The following RBFOX1 variants were observed in gnomAD, a reference collection of about 807,000 sequenced individuals.
RBFOX1 encodes RNA binding protein fox-1 homolog 1.
A neutral mutation model predicts 57.7 loss-of-function variants in RBFOX1; 8 were observed. The observed-to-expected ratio is 0.14, with a 90% CI of 0.08 to 0.25. The LOEUF is 0.25. Ranked by LOEUF, RBFOX1 falls within the 10% of genes least tolerant of loss-of-function variation. RBFOX1 has a pLI of 1.00. For missense variants in RBFOX1, 611 were observed against 548.5 expected, an observed-to-expected ratio of 1.11 and a Z score of -1.14; for synonymous variants, 326 against 222.4, an observed-to-expected ratio of 1.47 and a Z score of -4.15.
intron 3 of RBFOX1, among the ~76,000 whole-genome samples, chr16:7,001,386 G>T (rs184685706): frequency 5.8e-5 from 7 of 121,470 alleles, no homozygotes; most frequent in Non-Finnish European, 9.5e-5. Context: ...GTATGTGTAT[G>T]TGTATGTGTA....
intron 1 of RBFOX1, among the ~76,000 whole-genome samples, chr16:5,304,817 T>G (rs1410064748): frequency 7.3e-6 from 1 of 136,390 alleles, no homozygotes; most frequent in Non-Finnish European, 1.6e-5. Flanking sequence ...CTGGTAGAAG[T>G]TAGCCATATA....
intron 2 of RBFOX1, among the ~76,000 whole-genome samples, chr16:6,485,402 C>A (rs556074798): frequency 6.6e-6 from 1 of 151,048 alleles, no homozygotes; most frequent in Non-Finnish European, 1.5e-5. Flanking sequence ...TCCTCCTTAT[C>A]CCATTTTTTT....
chr16:7,136,059 T>A (rs1021022554), intron 4 of RBFOX1, among the ~76,000 whole-genome samples: 1 of 152,216 alleles, frequency 6.6e-6, no homozygotes, highest in East Asian at 1.9e-4. Flanking sequence ...GGAGCATATT[T>A]GTAACTGAGC....
At chr16:5,929,813 G>A (rs1252858009) in intron 4 of RBFOX1, among the ~76,000 whole-genome samples, 1 of 151,812 alleles carries the variant, frequency 6.6e-6, no homozygotes, top group Non-Finnish European at 1.5e-5. Flanking sequence ...AACTCACTAA[G>A]AGCTGGCAAG....
chr16:5,516,881 C>A (rs1003468741), intron 2 of RBFOX1, among the ~76,000 whole-genome samples: 3 of 152,192 alleles, frequency 2.0e-5, no homozygotes, highest in African/African-American at 4.8e-5. Flanking sequence ...GCATCCCCAG[C>A]CGTGCAGAAC....
intron 4 of RBFOX1, among the ~76,000 whole-genome samples, chr16:7,124,965 C>G (rs1379037712): frequency 2.6e-5 from 4 of 152,098 alleles, no homozygotes; most frequent in African/African-American, 9.7e-5. Context: ...ATTCACAGGA[C>G]TGGAAAGTAT....
At chr16:6,053,465 C>G (rs1266085298) in intron 1 of RBFOX1, among the ~76,000 whole-genome samples, 1 of 152,136 alleles carries the variant, frequency 6.6e-6, no homozygotes, top group Admixed American at 6.5e-5. Context: ...GCAGCTGTCA[C>G]TGCAGTGGCT....
chr16:7,042,563 C>G (rs747472525), intron 3 of RBFOX1, among the ~76,000 whole-genome samples: 3 of 152,200 alleles, frequency 2.0e-5, no homozygotes, highest in Admixed American at 2.0e-4. Context: ...AACTGTTTAG[C>G]ACATTTTATG....
chr16:5,936,989 C>A (rs769782141), intron 4 of RBFOX1, among the ~76,000 whole-genome samples: 4 of 152,170 alleles, frequency 2.6e-5, no homozygotes, highest in Non-Finnish European at 4.4e-5. Context: ...TAATCAGTGT[C>A]AGTGTACCTT....
intron 4 of RBFOX1, among the ~76,000 whole-genome samples, chr16:7,321,735 T>C (rs1015294604): frequency 6.6e-6 from 1 of 152,224 alleles, no homozygotes. Flanking sequence ...TAAAATAGAT[T>C]GTCATGTAAG....
chr16:5,844,819 C>T (rs958907883), intron 3 of RBFOX1, among the ~76,000 whole-genome samples: 2 of 152,252 alleles, frequency 1.3e-5, no homozygotes, highest in Non-Finnish European at 2.9e-5. Context: ...AACACAAAGG[C>T]GGTTTCCCTT....
chr16:6,637,493 T>A (rs4990073), intron 2 of RBFOX1, among the ~76,000 whole-genome samples: 54,471 of 93,298 alleles, frequency 0.58, 17,109 homozygotes, highest in South Asian at 0.83. Context: ...TCCTATATAT[T>A]ATATATAATA....
chr16:6,651,250 C>G (rs754784905), intron 2 of RBFOX1, among the ~76,000 whole-genome samples: 2 of 152,220 alleles, frequency 1.3e-5, no homozygotes, highest in African/African-American at 2.4e-5. Context: ...CACATCCATG[C>G]CCTCCCTGCC....
At chr16:5,513,975 T>C (rs79573229) in intron 2 of RBFOX1, among the ~76,000 whole-genome samples, 3,041 of 152,296 alleles carry the variant, frequency 0.02, 60 homozygotes, top group Middle Eastern at 0.051. Context: ...TACCAACATG[T>C]TAAGGCAGGC....
chr16:6,892,611 A>C (rs895369922), intron 3 of RBFOX1, among the ~76,000 whole-genome samples: 1 of 152,186 alleles, frequency 6.6e-6, no homozygotes, highest in Non-Finnish European at 1.5e-5. Flanking sequence ...TGGAAGTTGC[A>C]GTAAGGCAAG....
At chr16:5,442,760 C>T (rs2151543342) in intron 1 of RBFOX1, among the ~76,000 whole-genome samples, 1 of 152,338 alleles carries the variant, frequency 6.6e-6, no homozygotes, top group South Asian at 2.1e-4. Context: ...CCTCCAAAAG[C>T]AGGTGCTGTC....
In RBFOX1 at chr16:7,263,661, C is replaced by A. The variant is rs114086565; in HGVS notation, c.27+211563C>A. ...ACCTGTAATCCCAGCACAGAGAGGCCGAGGCAGGTGGATTACATGAGGTCA... is the reference window on the plus strand; with the variant it reads ...ACCTGTAATCCCAGCACAGAGAGGCAGAGGCAGGTGGATTACATGAGGTCA... On this transcript the variant is annotated intron_variant, in intron 4 of 15. Transcript: ENST00000550418. 8.0e-3 allele frequency among the ~76,000 whole-genome samples: 1,221 copies of A among 151,968 alleles called. 13 individuals carry two copies. The highest frequency in any genetic ancestry group is 0.028 in the African/African-American group (1,162 of 41,418).
At chr16:6,989,346 G>C (rs1403867374) in intron 3 of RBFOX1, among the ~76,000 whole-genome samples, 1 of 152,130 alleles carries the variant, frequency 6.6e-6, no homozygotes, top group East Asian at 1.9e-4. Context: ...ATCTGTATCA[G>C]TCTGTCTTTT....
At chr16:6,286,318 C>G (rs754331472) in intron 1 of RBFOX1, among the ~76,000 whole-genome samples, 2 of 152,150 alleles carry the variant, frequency 1.3e-5, no homozygotes, top group Admixed American at 1.3e-4. Context: ...AATGCAGTGT[C>G]GATAACTTGG....
Sources: allele counts gnomAD v4.1 joint callset (sites outside exome capture counted in the v4.1 genomes callset), GRCh38; gene constraint gnomAD v4.1.1; transcripts MANE v1.5; gene names NCBI Gene and HGNC (gene_info 2026-07-23, HGNC 2026-07-21).